Variants in RBM46 observed in about 807,000 individuals in gnomAD.
The protein encoded by RBM46 is probable RNA-binding protein 46.
A neutral mutation model predicts 43.3 loss-of-function variants in RBM46; 12 were observed. That is an observed-to-expected ratio of 0.28 (90% CI 0.18 to 0.45). RBM46 has a LOEUF of 0.45. Ranked by LOEUF, RBM46 falls within the 20% of genes least tolerant of loss-of-function variation. RBM46 has a pLI of 1.00. For synonymous variants in RBM46, 205 were observed against 207.6 expected (o/e 0.99, Z 0.11); for missense variants, 412 against 639.1 (o/e 0.64, Z 3.83).
chr4:154,802,652 C>A (rs1734695238), intron 4 of RBM46, among the ~76,000 whole-genome samples: 1 of 149,702 alleles, frequency 6.7e-6, no homozygotes, highest in African/African-American at 2.4e-5. Context: ...GTTATTAGTT[C>A]CTAGAGTTTC....
chr4:154,792,846 T>C (rs1254436478), intron 1 of RBM46, among the ~76,000 whole-genome samples: 2 of 152,166 alleles, frequency 1.3e-5, no homozygotes, highest in African/African-American at 4.8e-5. Flanking sequence ...GAGGAAGAGA[T>C]GATGAAGAGA....
intron 4 of RBM46, among the ~76,000 whole-genome samples, chr4:154,811,200 A>G (rs547647726): frequency 3.0e-4 from 45 of 152,286 alleles, no homozygotes; most frequent in African/African-American, 1.0e-3. Context: ...GAAATGGTAC[A>G]TTGCACTTTA....
rs868762601 is a variant in RBM46, at chr4:154,809,275, G to A, written c.1402+9711G>A. On this transcript the variant is annotated intron_variant, in intron 4 of 4. Transcript: ENST00000281722. ...GCTAATGTGGCTTGGGAGAAGGATG[G>A]ACAGGGTTTTCATCAATCCTCTGAG... is the stretch of plus-strand genomic sequence containing the variant. Among the ~76,000 whole-genome samples the A allele has an allele frequency of 5.3e-5, 8 of 152,048 alleles. No individual in the cohort carries two copies. The South Asian group carries it at 6.2e-4, about 12-fold the overall frequency.
At chr4:154,787,093 T>A (rs945803406) in intron 1 of RBM46, 4 of 152,216 alleles carry the variant, frequency 2.6e-5, no homozygotes, top group South Asian at 4.1e-4. Flanking sequence ...AATATAACTT[T>A]ATTATTTTTC....
At chr4:154,799,743 C>T (rs1468226328) in intron 4 of RBM46, among the ~76,000 whole-genome samples, 179 bp downstream of exon 4, 4 of 146,746 alleles carry the variant, frequency 2.7e-5, no homozygotes, top group Non-Finnish European at 4.5e-5. Context: ...AATCTTCCTA[C>T]ATTTAGCTTT....
At chr4:154,823,469 A>G (rs1161018163) in intron 4 of RBM46, among the ~76,000 whole-genome samples, 1 of 151,908 alleles carries the variant, frequency 6.6e-6, no homozygotes, top group Non-Finnish European at 1.5e-5. Flanking sequence ...TAAATGAAAA[A>G]TTAGTCTAAA....
At chr4:154,820,275 C>G (rs1171899428) in intron 4 of RBM46, 4 of 788,886 alleles carry the variant, frequency 5.1e-6, no homozygotes, top group Non-Finnish European at 7.4e-6. Flanking sequence ...AGGTTTTTAA[C>G]TAAAGTTACC....
intron 4 of RBM46, among the ~76,000 whole-genome samples, chr4:154,804,179 A>G (rs1334988809): frequency 6.6e-6 from 1 of 152,196 alleles, no homozygotes; most frequent in Non-Finnish European, 1.5e-5. Context: ...TTTTCTGTAT[A>G]AATTACCCAG....
At chr4:154,809,920 A>C (rs973929603) in intron 4 of RBM46, among the ~76,000 whole-genome samples, 2 of 152,140 alleles carry the variant, frequency 1.3e-5, no homozygotes, top group Non-Finnish European at 2.9e-5. Flanking sequence ...AAGCAAAACC[A>C]AACAATAGGT....
At chr4:154,787,958 G>A (rs1733866820) in intron 1 of RBM46, among the ~76,000 whole-genome samples, 1 of 152,118 alleles carries the variant, frequency 6.6e-6, no homozygotes, top group Non-Finnish European at 1.5e-5. Flanking sequence ...TTTTTCATGT[G>A]TCTGTTGGCT....
intron 1 of RBM46, among the ~76,000 whole-genome samples, chr4:154,782,567 T>A (rs1578880445): frequency 6.6e-6 from 1 of 152,126 alleles, no homozygotes; most frequent in South Asian, 2.1e-4. Flanking sequence ...GACTGCAACT[T>A]CCGCCTACCG....
intron 2 of RBM46, among the ~76,000 whole-genome samples, chr4:154,797,588 T>C (rs1734416837): frequency 6.6e-6 from 1 of 152,188 alleles, no homozygotes; most frequent in Non-Finnish European, 1.5e-5. Context: ...GACCACTCCC[T>C]TGATTTTCTT....
chr4:154,800,422 A>G (rs1463753183), intron 4 of RBM46, among the ~76,000 whole-genome samples: 1 of 152,202 alleles, frequency 6.6e-6, no homozygotes, highest in African/African-American at 2.4e-5. Flanking sequence ...GTTTGTGACC[A>G]TTCTCTTTTT....
chr4:154,827,873 A>G lies in RBM46; in HGVS notation c.1408A>G (p.Asn470Asp). ...GTTCATGTATTTATTTACAGACTAC[A>G]ATTTCCATCGCAGCTCAATAAATAG... is the stretch of plus-strand genomic sequence containing the variant. ...AQFTLLHLDY[N>D]FHRSSINSLS... Residue 470 changes from asparagine (N) to aspartate (D), a missense_variant, in exon 5 of 5, where the codon AAT becomes GAT. Around this residue, in one of 8 missense-constraint regions of RBM46, gnomAD observed 149 missense variants for 156.3 expected, o/e 0.95. Coordinates refer to ENST00000281722, the MANE Select transcript of RBM46 (RefSeq NM_144979.5). 1.9e-6 allele frequency: 3 copies of G among 1,613,812 alleles called. No homozygotes were observed. Among genetic ancestry groups the G allele is most frequent in the East Asian group, 2.2e-5 (1 of 44,864 alleles).
chr4:154,804,307 A>G (rs1734798895), intron 4 of RBM46, among the ~76,000 whole-genome samples: 1 of 152,234 alleles, frequency 6.6e-6, no homozygotes, highest in African/African-American at 2.4e-5. Context: ...TGGGTCATTC[A>G]GTATCACTTA....
intron 4 of RBM46, among the ~76,000 whole-genome samples, chr4:154,808,659 G>A (rs1216740000): frequency 6.6e-6 from 1 of 151,828 alleles, no homozygotes; most frequent in East Asian, 1.9e-4. Context: ...GATAATTTGG[G>A]GCACAGAAGT....
chr4:154,811,249 T>C (rs1735156272), intron 4 of RBM46, among the ~76,000 whole-genome samples: 1 of 152,180 alleles, frequency 6.6e-6, no homozygotes, highest in Non-Finnish European at 1.5e-5. Context: ...TACTATGGCA[T>C]AGCATATAGG....
intron 4 of RBM46, among the ~76,000 whole-genome samples, chr4:154,819,507 T>C (rs2111205065): frequency 6.6e-6 from 1 of 152,296 alleles, no homozygotes; most frequent in African/African-American, 2.4e-5. Context: ...AATTCGTCAC[T>C]GTCTTGGTTC....
chr4:154,793,249 T>C (rs935206044), intron 1 of RBM46, among the ~76,000 whole-genome samples: 6 of 152,214 alleles, frequency 3.9e-5, no homozygotes, highest in African/African-American at 1.4e-4. Context: ...TCCTGATTTT[T>C]GATGCAGTCC....
Sources: gnomAD v4.1 joint callset for allele counts (sites outside exome capture counted in the v4.1 genomes callset) on GRCh38, gnomAD v4.1.1 for gene constraint, gnomAD v4.1.1 regional missense constraint, MANE v1.5 for transcripts, NCBI Gene and HGNC (gene_info 2026-07-23, HGNC 2026-07-21) for gene names.